Variants in TMEM132C observed in about 807,000 individuals in gnomAD.
TMEM132C encodes the protein transmembrane protein 132C, also known as protein phosphatase 1, regulatory subunit 152.
In TMEM132C, 29 loss-of-function variants were observed where a neutral mutation model predicts 61.4. The observed-to-expected ratio is 0.47, with a 90% CI of 0.35 to 0.64. The LOEUF (loss-of-function observed/expected upper bound fraction) is 0.64, where lower values mean the gene tolerates loss of function less well. Ranked by LOEUF, TMEM132C falls within the 30% of genes least tolerant of loss-of-function variation. The probability of loss-of-function intolerance (pLI) is 0.00; values close to 1 mark genes in which losing one functional copy is unlikely to be tolerated. For synonymous variants in TMEM132C, 656 were observed against 633.1 expected (o/e 1.04, Z -0.54); for missense variants, 1,408 against 1,476.9 (o/e 0.95, Z 0.76).
intron 3 of TMEM132C, among the ~76,000 whole-genome samples, chr12:128,571,919 C>T (rs1724516029): frequency 6.6e-6 from 1 of 152,250 alleles, no homozygotes; most frequent in Non-Finnish European, 1.5e-5. Context: ...CATGACTGCT[C>T]CTCCACTGTT....
chr12:128,311,204 A>G (rs1871952704), intron 1 of TMEM132C, among the ~76,000 whole-genome samples: 1 of 152,174 alleles, frequency 6.6e-6, no homozygotes, highest in South Asian at 2.1e-4. Flanking sequence ...ATCTTCCGGG[A>G]GCTCTCACTG....
chr12:128,279,015 A>G (rs1460732374), intron 1 of TMEM132C, among the ~76,000 whole-genome samples: 1 of 151,888 alleles, frequency 6.6e-6, no homozygotes, highest in Non-Finnish European at 1.5e-5. Flanking sequence ...GACTTGCCAG[A>G]CTCCATAATT....
intron 2 of TMEM132C, among the ~76,000 whole-genome samples, chr12:128,456,323 C>G (rs1464589675): frequency 8.2e-6 from 1 of 121,478 alleles, no homozygotes; most frequent in Non-Finnish European, 1.7e-5. Flanking sequence ...ACATAATTTA[C>G]TACATTAAAT....
chr12:128,702,187 A>C (rs899770402), intron 8 of TMEM132C, among the ~76,000 whole-genome samples: 1 of 152,060 alleles, frequency 6.6e-6, no homozygotes, highest in African/African-American at 2.4e-5. Context: ...GGCATAAGCC[A>C]CCACATCTGG....
chr12:128,591,966 C>T (rs1214827022), intron 3 of TMEM132C, among the ~76,000 whole-genome samples: 6 of 149,236 alleles, frequency 4.0e-5, no homozygotes, highest in East Asian at 2.0e-4. Flanking sequence ...GCAGGAGAAT[C>T]GCTTGAACCC....
rs112199446 is a variant in TMEM132C at position 128,624,942 on chromosome 12, A to G, written c.1305+8607A>G. Reference sequence around the variant, plus strand: ...TGCCACCTGCCAGCTCACTCTCTCAATGATGAGCCCTCCCACTGGAATGTA... The same window carrying G: ...TGCCACCTGCCAGCTCACTCTCTCAGTGATGAGCCCTCCCACTGGAATGTA... On this transcript the variant is annotated intron_variant, in intron 4 of 8. Transcript: ENST00000435159. Among the ~76,000 whole-genome samples, 108 of 152,280 alleles carry G rather than the reference A, an allele frequency of 7.1e-4. 1 individual carries two copies. Among genetic ancestry groups the G allele is most frequent in the Middle Eastern group, 6.8e-3 (2 of 294 alleles).
At chr12:128,622,352 AAAAAAAAAATATATATATAT>A (rs1420886850) in intron 4 of TMEM132C, among the ~76,000 whole-genome samples, 1 of 64,648 alleles carries the variant, frequency 1.5e-5, no homozygotes, top group African/African-American at 7.4e-5. Flanking sequence ...TCAAAAAAAA[AAAAAAAAAATATATATATAT>A]ATATATATAT....
intron 2 of TMEM132C, among the ~76,000 whole-genome samples, chr12:128,458,679 G>A (rs1475787833): frequency 6.6e-6 from 1 of 152,154 alleles, no homozygotes; most frequent in African/African-American, 2.4e-5. Flanking sequence ...TGGGGGGCAG[G>A]GAGATTGATT....
At chr12:128,495,595 T>C (rs1227684692) in intron 2 of TMEM132C, among the ~76,000 whole-genome samples, 1 of 152,210 alleles carries the variant, frequency 6.6e-6, no homozygotes, top group Non-Finnish European at 1.5e-5. Flanking sequence ...AATGGCCTTC[T>C]TTGTCTCTTT....
intron 4 of TMEM132C, among the ~76,000 whole-genome samples, chr12:128,629,184 G>C (rs190182637): frequency 1.3e-5 from 2 of 152,032 alleles, no homozygotes; most frequent in Non-Finnish European, 2.9e-5. Context: ...AGTTCTATAC[G>C]TGGCCCTTTG....
chr12:128,359,867 G>A (rs1230685048), intron 1 of TMEM132C, among the ~76,000 whole-genome samples: 3 of 152,124 alleles, frequency 2.0e-5, no homozygotes, highest in Non-Finnish European at 4.4e-5. Flanking sequence ...CTTTATAGCA[G>A]GATAAAACTA....
chr12:128,388,726 C>T (rs1033618953), intron 1 of TMEM132C, among the ~76,000 whole-genome samples: 34 of 152,232 alleles, frequency 2.2e-4, no homozygotes, highest in African/African-American at 8.0e-4. Context: ...AGGCTTGGGC[C>T]GTGTGCTCTG....
In TMEM132C at chr12:128,427,673, T is replaced by C. The variant is rs374055128; in HGVS notation, c.974+12053T>C. On this transcript the variant is annotated intron_variant, in intron 2 of 8. Transcript: ENST00000435159. Reference sequence around the variant, plus strand: ...GGTGAACGCACATCCACCAGGACTTTCTTCCTCCATCACCTTCCCGTTAAG... The same window carrying C: ...GGTGAACGCACATCCACCAGGACTTCCTTCCTCCATCACCTTCCCGTTAAG... Among the ~76,000 whole-genome samples, 6 of 152,210 alleles carry C rather than the reference T, an allele frequency of 3.9e-5. 1 individual carries two copies. The South Asian group carries it at 1.0e-3, about 26-fold the overall frequency.
intron 1 of TMEM132C, among the ~76,000 whole-genome samples, chr12:128,296,944 T>C (rs2135914503): frequency 6.6e-6 from 1 of 152,322 alleles, no homozygotes; most frequent in East Asian, 1.9e-4. Flanking sequence ...AGACTAGACT[T>C]CCCAAACTGC....
At chr12:128,685,854 A>G (rs940838971) in intron 5 of TMEM132C, among the ~76,000 whole-genome samples, 4 of 152,202 alleles carry the variant, frequency 2.6e-5, no homozygotes, top group Non-Finnish European at 5.9e-5. Context: ...CAATATGGAT[A>G]TGATAAATAT....
At chr12:128,474,088 T>C (rs957654012) in intron 2 of TMEM132C, among the ~76,000 whole-genome samples, 7 of 152,212 alleles carry the variant, frequency 4.6e-5, no homozygotes, top group African/African-American at 1.4e-4. Context: ...TTTAGAACCA[T>C]GGTTCTTAAA....
intron 2 of TMEM132C, among the ~76,000 whole-genome samples, chr12:128,521,016 A>T (rs1464070420): frequency 6.6e-6 from 1 of 151,576 alleles, no homozygotes; most frequent in Non-Finnish European, 1.5e-5. Context: ...ATTAAGGTGC[A>T]CTCCCAGGTT....
intron 1 of TMEM132C, among the ~76,000 whole-genome samples, chr12:128,314,057 G>C (rs1220701882): frequency 1.3e-5 from 2 of 152,166 alleles, no homozygotes; most frequent in African/African-American, 4.8e-5. Flanking sequence ...GAAATGGTTA[G>C]GGTCCCTGGG....
At chr12:128,584,071 A>G (rs10734961) in intron 3 of TMEM132C, among the ~76,000 whole-genome samples, 71,171 of 152,068 alleles carry the variant, frequency 0.47, 19,117 homozygotes, top group South Asian at 0.71. Flanking sequence ...CTGCCAAGGC[A>G]TATTTCTTAA....
Sources: allele counts gnomAD v4.1 joint callset (sites outside exome capture counted in the v4.1 genomes callset), GRCh38; gene constraint gnomAD v4.1.1; transcripts MANE v1.5; gene names NCBI Gene and HGNC (gene_info 2026-07-23, HGNC 2026-07-21).